TRAK1: variants seen among roughly 807,000 people sequenced by gnomAD.
TRAK1 encodes the protein trafficking kinesin-binding protein 1.
In TRAK1, 33 loss-of-function variants were observed where a neutral mutation model predicts 92.1. That is an observed-to-expected ratio of 0.36 (90% confidence interval 0.27 to 0.48). The LOEUF (loss-of-function observed/expected upper bound fraction) is 0.48, where lower values mean the gene tolerates loss of function less well. Ranked by LOEUF, TRAK1 falls within the 20% of genes least tolerant of loss-of-function variation. TRAK1 has a pLI of 0.99. For synonymous variants in TRAK1, 521 were observed against 517.3 expected (o/e 1.01, Z -0.10); for missense variants, 1,123 against 1,257.9 (o/e 0.89, Z 1.62).
At chr3:42,107,054 C>A (rs945671884) in intron 1 of TRAK1, among the ~76,000 whole-genome samples, 1 of 152,148 alleles carries the variant, frequency 6.6e-6, no homozygotes, top group Non-Finnish European at 1.5e-5. Context: ...CTTTGCTTGT[C>A]CCCTAGTTAG....
chr3:42,221,075 T>C (rs906211180), intron 15 of TRAK1, among the ~76,000 whole-genome samples: 2 of 144,986 alleles, frequency 1.4e-5, no homozygotes, highest in African/African-American at 2.7e-5. Context: ...AAGGCTCTTT[T>C]TTTTTTTTTT....
At chr3:42,058,500 C>T (rs1367961311) in intron 1 of TRAK1, among the ~76,000 whole-genome samples, 2 of 152,132 alleles carry the variant, frequency 1.3e-5, no homozygotes, top group South Asian at 2.1e-4. Context: ...CCACAACGCC[C>T]AGCTTATTTT....
chr3:42,091,378 C>A lies in TRAK1; in HGVS notation c.-92C>A. On this transcript the variant is annotated 5_prime_UTR_variant, in exon 1 of 16. Transcript: ENST00000327628. Reference sequence around the variant, plus strand: ...ACTCAGAAAACTGCTGAGGAAGGCACGGGAGGGTGGCTGTGCGAGGTACTG... The same window carrying A: ...ACTCAGAAAACTGCTGAGGAAGGCAAGGGAGGGTGGCTGTGCGAGGTACTG... The A allele has an allele frequency of 8.7e-7, 1 of 1,149,104 alleles. No individual in the cohort carries two copies. Among genetic ancestry groups the A allele is most frequent in the South Asian group, 1.4e-5 (1 of 73,810 alleles). The allele number at this position is 1,149,104 out of a possible 1,614,324, so 71.2% of individuals were successfully genotyped here.
intron 7 of TRAK1, 135 bp from the exon 8 acceptor site, chr3:42,192,940 C>T: frequency 1.6e-6 from 2 of 1,288,852 alleles, no homozygotes; most frequent in South Asian, 1.5e-5. Flanking sequence ...GAGTTCCTTC[C>T]TGCACCCTCC....
intron 1 of TRAK1, among the ~76,000 whole-genome samples, chr3:42,112,535 G>A (rs959768478): frequency 5.3e-5 from 8 of 151,246 alleles, no homozygotes; most frequent in Non-Finnish European, 7.4e-5. Flanking sequence ...AGGAGTTCGA[G>A]ACCAGCCTGG....
intron 1 of TRAK1, among the ~76,000 whole-genome samples, chr3:42,124,789 A>G (rs974592448): frequency 2.6e-5 from 4 of 152,204 alleles, no homozygotes; most frequent in African/African-American, 9.7e-5. Context: ...TGCTCAAAAC[A>G]CCAAGCTATT....
chr3:42,218,070 C>T (rs1029496343), intron 14 of TRAK1: 1 of 985,326 alleles, frequency 1.0e-6, no homozygotes, highest in African/African-American at 1.7e-5. Flanking sequence ...GACACACAGA[C>T]CCGAGTCAGA....
Position 42,202,904 on chromosome 3 carries a change from G to A in TRAK1, c.1744+152G>A. 2 of 1,445,756 alleles carry A rather than the reference G, an allele frequency of 1.4e-6. No individual in the cohort carries two copies. The highest frequency in any genetic ancestry group is 2.9e-5 in the South Asian group (2 of 69,594). The allele number at this position is 1,445,756 out of a possible 1,614,324, so 89.6% of individuals were successfully genotyped here. On this transcript the variant is annotated intron_variant, in intron 13 of 15. Transcript: ENST00000327628. This position sits in a 1 kb window ranked among gnomAD's most constrained non-coding sequence, Gnocchi z 6.1. ...GCTGCTGGTTTGAGTTCCTCTGAGG[G>A]TGGTGCTCAGCCTAGGCCTCCGTCC...
At chr3:42,217,628 A>G (rs1163928917) in intron 14 of TRAK1, 2 of 985,222 alleles carry the variant, frequency 2.0e-6, no homozygotes, top group African/African-American at 3.5e-5. Flanking sequence ...TATGCTTCTG[A>G]TTTTAAATCC....
intron 2 of TRAK1, among the ~76,000 whole-genome samples, chr3:42,175,731 T>C (rs1279556030): frequency 1.3e-5 from 2 of 152,252 alleles, no homozygotes; most frequent in Non-Finnish European, 2.9e-5. Flanking sequence ...CCATTTGTAA[T>C]GCTGCTGAGT....
rs949978316 is a variant in TRAK1 at position 42,224,072 on chromosome 3, T to A, written c.*335T>A. The A allele has an allele frequency of 1.4e-5, 7 of 493,490 alleles. No homozygotes were observed. The highest frequency in any genetic ancestry group is 2.8e-5 in the Non-Finnish European group (7 of 252,206). The allele number at this position is 493,490 out of a possible 1,614,324, so 30.6% of individuals were successfully genotyped here. On this transcript the variant is annotated 3_prime_UTR_variant, in exon 16 of 16. Transcript: ENST00000327628. ...CTTTCCTTTTGAGAAGCACTGAAACTCCCAAGTGTGTTCTTATCCCATGGA... is the reference window on the plus strand; with the variant it reads ...CTTTCCTTTTGAGAAGCACTGAAACACCCAAGTGTGTTCTTATCCCATGGA...
chr3:42,206,462 A>T (rs1708345921), intron 13 of TRAK1, among the ~76,000 whole-genome samples: 1 of 152,236 alleles, frequency 6.6e-6, no homozygotes. Context: ...GAGAATGGAC[A>T]CTGGAGCCAG....
intron 1 of TRAK1, 110 bp from the exon 2 acceptor site, chr3:42,125,309 GT>G: frequency 1.1e-6 from 1 of 914,208 alleles, no homozygotes; most frequent in Non-Finnish European, 1.6e-6. Context: ...TAGCTTCTTT[GT>G]GCTGTAGATA....
intron 14 of TRAK1, among the ~76,000 whole-genome samples, chr3:42,215,556 G>T (rs1334395634): frequency 1.3e-5 from 2 of 151,940 alleles, no homozygotes; most frequent in Non-Finnish European, 2.9e-5. Context: ...AACTTGCAAA[G>T]CAGATCCAAG....
intron 1 of TRAK1, chr3:42,051,832 T>C (rs532151599): frequency 7.2e-5 from 11 of 152,200 alleles, no homozygotes; most frequent in Non-Finnish European, 1.2e-4. Context: ...TGAAAGACAA[T>C]GGAGGTCTGG....
intron 1 of TRAK1, among the ~76,000 whole-genome samples, chr3:42,093,746 A>C (rs1576309779): frequency 1.6e-5 from 2 of 123,212 alleles, no homozygotes; most frequent in African/African-American, 6.2e-5. Context: ...TCTATCACCC[A>C]GGCTGGAGTG....
rs539305828 is a variant in TRAK1, at chr3:42,157,555, A to AAAGTAACAC, written c.287-19258_287-19250dup. Among the ~76,000 whole-genome samples the AAAGTAACAC allele has an allele frequency of 5.2e-3, 779 of 151,038 alleles. 11 individuals are homozygous for AAAGTAACAC. The highest frequency in any genetic ancestry group is 0.018 in the African/African-American group (735 of 41,174). ...CCTCCTGAGAAGATGCACTGAAGAG[A>AAAGTAACAC]AAGTAACACCACTTCTGTGTTTTCT... is the stretch of plus-strand genomic sequence containing the variant. On this transcript the variant is annotated intron_variant, in intron 2 of 15. Transcript: ENST00000327628.
At chr3:42,073,791 G>A (rs1016542068) in intron 1 of TRAK1, among the ~76,000 whole-genome samples, 3 of 152,166 alleles carry the variant, frequency 2.0e-5, no homozygotes, top group African/African-American at 4.8e-5. Flanking sequence ...ACTGATGGGC[G>A]TGCCAGAAAG....
At chr3:42,075,026 G>T (rs1252885614) in intron 1 of TRAK1, among the ~76,000 whole-genome samples, 3 of 152,064 alleles carry the variant, frequency 2.0e-5, no homozygotes, top group African/African-American at 7.2e-5. Context: ...TGCTGCAAAG[G>T]ACATTATTTT....
Sources: allele counts gnomAD v4.1 joint callset (sites outside exome capture counted in the v4.1 genomes callset), GRCh38; gene constraint gnomAD v4.1.1; non-coding constraint Gnocchi (gnomAD v3.1); transcripts MANE v1.5; gene names NCBI Gene and HGNC (gene_info 2026-07-23, HGNC 2026-07-21).